Variants in SNTG2 observed in about 807,000 individuals in gnomAD.
SNTG2 encodes gamma-2-syntrophin.
Under a neutral mutation model 70.9 loss-of-function variants are expected in SNTG2, and 74 were observed. That is an observed-to-expected ratio of 1.04 (90% CI 0.86 to 1.27). The LOEUF (loss-of-function observed/expected upper bound fraction) is 1.27, where lower values mean the gene tolerates loss of function less well. SNTG2 is among the 50% of genes most tolerant of loss of function. The pLI is 0.00. For missense variants in SNTG2, 717 were observed against 690.7 expected, an observed-to-expected ratio of 1.04 and a Z score of -0.43; for synonymous variants, 278 against 273.8, an observed-to-expected ratio of 1.02 and a Z score of -0.15.
intron 2 of SNTG2, among the ~76,000 whole-genome samples, chr2:1,096,158 T>C (rs1280219594): frequency 6.6e-6 from 1 of 152,140 alleles, no homozygotes; most frequent in Non-Finnish European, 1.5e-5. Context: ...GAGGATATCC[T>C]TGGAAACCCT....
chr2:1,027,583 C>G lies in SNTG2; in HGVS notation c.73-55935C>G, dbSNP rs1050476991. ...AGTAAAGAGATAAGCAGGTGCATCA[C>G]TGAAGGTGCGTCTGGCCCACAGACA... On this transcript the variant is annotated intron_variant, in intron 1 of 16. Transcript: ENST00000308624. Among the ~76,000 whole-genome samples, 8 of 139,966 alleles carry G rather than the reference C, an allele frequency of 5.7e-5. 1 individual carries two copies. The highest frequency in any genetic ancestry group is 7.7e-5 in the Non-Finnish European group (5 of 64,668). The allele number at this position is 139,966 out of a possible 152,430, so 91.8% of individuals were successfully genotyped here.
In SNTG2 at chr2:972,580, A is replaced by G. The variant is rs1002514992; in HGVS notation, c.72+21512A>G. Among the ~76,000 whole-genome samples, 4 of 152,248 alleles carry G rather than the reference A, an allele frequency of 2.6e-5. No homozygotes were observed. In the East Asian group the frequency reaches 7.7e-4, roughly 29 times the overall value. On this transcript the variant is annotated intron_variant, in intron 1 of 16. Coordinates refer to ENST00000308624, the MANE Select transcript of SNTG2 (RefSeq NM_018968.4). ...GGATCTGTGTCCCCACCCAAATCTC[A>G]TGTCGGATCATCATCATAATATTGG...
chr2:1,047,846 G>C (rs1292518423), intron 1 of SNTG2, among the ~76,000 whole-genome samples: 2 of 152,068 alleles, frequency 1.3e-5, no homozygotes. Flanking sequence ...TCTTATGGTA[G>C]ACTAAGGTAC....
chr2:1,325,163 C>G (rs1216731468), intron 16 of SNTG2, among the ~76,000 whole-genome samples: 1 of 152,108 alleles, frequency 6.6e-6, no homozygotes, highest in Non-Finnish European at 1.5e-5. Context: ...GATAAAATGA[C>G]CAGTGCCTCC....
chr2:1,049,926 C>T (rs1186350203), intron 1 of SNTG2, among the ~76,000 whole-genome samples: 1 of 152,202 alleles, frequency 6.6e-6, no homozygotes, highest in African/African-American at 2.4e-5. Context: ...GCTTATCTGC[C>T]ATCTGTATGA....
intron 7 of SNTG2, among the ~76,000 whole-genome samples, chr2:1,170,777 G>A (rs932060119): frequency 6.6e-6 from 1 of 152,122 alleles, no homozygotes; most frequent in Non-Finnish European, 1.5e-5. Flanking sequence ...TCTTGCTTCT[G>A]TTTGGGGGAT....
rs774296426 is a variant in SNTG2, at chr2:1,209,126, C to T, written c.615C>T (p.Pro205=). 6.2e-7 allele frequency: 1 copy of T among 1,613,994 alleles called. No individual in the cohort carries two copies. The highest frequency in any genetic ancestry group is 1.1e-5 in the South Asian group (1 of 91,078). ...STTAPSSPSS[P]IAKDPRYEKR... ...AGGCCCCATCGTCACCTTCCTCGCC[C>T]ATAGCTAAGGACCCGAGGTATGAGA... Residue 205 remains proline (P), a synonymous_variant, in exon 9 of 17, where the codon CCC becomes CCT. Transcript: ENST00000308624.
At chr2:1,177,101 T>C (rs1224838366) in intron 8 of SNTG2, among the ~76,000 whole-genome samples, 1 of 152,152 alleles carries the variant, frequency 6.6e-6, no homozygotes, top group African/African-American at 2.4e-5. Flanking sequence ...AATGATAGAC[T>C]TGATAAAGGA....
chr2:1,116,350 C>T (rs768910515), intron 4 of SNTG2, among the ~76,000 whole-genome samples: 1 of 152,238 alleles, frequency 6.6e-6, no homozygotes, highest in Non-Finnish European at 1.5e-5. Flanking sequence ...GGTGTGAAAA[C>T]AGCTCCAGTT....
chr2:1,183,911 T>C (rs1167352440), intron 8 of SNTG2, among the ~76,000 whole-genome samples: 1 of 152,184 alleles, frequency 6.6e-6, no homozygotes, highest in East Asian at 1.9e-4. Flanking sequence ...GAAAGGTGCT[T>C]TCTACTTCTG....
chr2:1,161,796 C>G (rs964015038), intron 6 of SNTG2: 1 of 152,076 alleles, frequency 6.6e-6, no homozygotes, highest in Non-Finnish European at 1.5e-5. Context: ...CTCGTTTGGC[C>G]GGGTGCGGTG....
At chr2:1,154,133 G>C (rs1669695944) in intron 6 of SNTG2, among the ~76,000 whole-genome samples, 1 of 152,170 alleles carries the variant, frequency 6.6e-6, no homozygotes, top group Non-Finnish European at 1.5e-5. Context: ...CCAACAGGAA[G>C]CTTGATGGGA....
intron 16 of SNTG2, among the ~76,000 whole-genome samples, chr2:1,330,232 A>G (rs1317305452): frequency 6.6e-6 from 1 of 152,228 alleles, no homozygotes; most frequent in African/African-American, 2.4e-5. Context: ...GGTCCCCTAA[A>G]AGGTCAAAAG....
intron 7 of SNTG2, 45 bp from the exon 8 acceptor site, chr2:1,173,047 T>G: frequency 6.4e-7 from 1 of 1,558,556 alleles, no homozygotes; most frequent in African/African-American, 1.4e-5. Flanking sequence ...CAGTGTGCTT[T>G]GTCAGTGGCA....
chr2:1,088,903 G>T (rs1290108537), intron 2 of SNTG2, among the ~76,000 whole-genome samples: 1 of 152,194 alleles, frequency 6.6e-6, no homozygotes, highest in East Asian at 1.9e-4. Flanking sequence ...CAAAAGATTT[G>T]TCTCCACAGC....
intron 1 of SNTG2, among the ~76,000 whole-genome samples, chr2:1,010,838 C>G (rs1659710424): frequency 1.3e-5 from 2 of 152,190 alleles, no homozygotes; most frequent in African/African-American, 4.8e-5. Context: ...CCCTCCCAGG[C>G]TGAGTCCAGA....
chr2:1,209,190 G>A lies in SNTG2; in HGVS notation c.679G>A (p.Ala227Thr), dbSNP rs750874524. The A allele has an allele frequency of 4.3e-6, 7 of 1,613,840 alleles. No homozygotes were observed. The Admixed American group carries it at 5.0e-5, about 12-fold the overall frequency. The stretch of plus-strand genomic sequence containing the variant: ...CACCTTGTCCGTGCCTCTGTCCATG[G>A]CTCGCATCTCAAGGTACAAAGCCGG... ...LDTLSVPLSM[A>T]RISRYKAGTE... Residue 227 changes from alanine to threonine, a missense_variant, in exon 9 of 17, where the codon GCT (alanine) becomes ACT (threonine). By Grantham distance (58) the Ala-to-Thr change is moderately conservative. Coordinates refer to ENST00000308624, the MANE Select transcript of SNTG2 (RefSeq NM_018968.4).
At chr2:1,056,026 TGTCCC>T (rs1475479541) in intron 1 of SNTG2, among the ~76,000 whole-genome samples, 4 of 151,952 alleles carry the variant, frequency 2.6e-5, no homozygotes, top group African/African-American at 9.7e-5. Flanking sequence ...GACGGCTCCT[TGTCCC>T]CACTGTTTCA....
chr2:1,103,817 T>C (rs889185703), intron 4 of SNTG2, among the ~76,000 whole-genome samples: 6 of 152,202 alleles, frequency 3.9e-5, no homozygotes, highest in African/African-American at 1.4e-4. Flanking sequence ...ACAAACGTTA[T>C]AGACCCCTGA....
Sources: gnomAD v4.1 joint callset for allele counts (sites outside exome capture counted in the v4.1 genomes callset) on GRCh38, gnomAD v4.1.1 for gene constraint, MANE v1.5 for transcripts, NCBI Gene and HGNC (gene_info 2026-07-23, HGNC 2026-07-21) for gene names.